The following TMEM108 variants were observed in gnomAD, a reference collection of about 807,000 sequenced individuals.
TMEM108 encodes transmembrane protein 108, also known as cancer/testis antigen 124.
In TMEM108, 12 loss-of-function variants were observed where a neutral mutation model predicts 35.1. The observed-to-expected ratio is 0.34, with a 90% CI of 0.22 to 0.55. The LOEUF is 0.55. Ranked by LOEUF, TMEM108 falls within the 20% of genes least tolerant of loss-of-function variation. The probability of loss-of-function intolerance (pLI) is 0.89; values close to 1 mark genes in which losing one functional copy is unlikely to be tolerated. For synonymous variants in TMEM108, 287 were observed against 308.6 expected, an observed-to-expected ratio of 0.93 and a Z score of 0.73; for missense variants, 680 against 753.3, an observed-to-expected ratio of 0.90 and a Z score of 1.14.
intron 1 of TMEM108, among the ~76,000 whole-genome samples, chr3:133,044,656 C>T (rs1180082009): frequency 1.3e-5 from 2 of 152,180 alleles, no homozygotes; most frequent in African/African-American, 4.8e-5. Flanking sequence ...GATGCACATG[C>T]ACCTTAAAGT....
intron 3 of TMEM108, among the ~76,000 whole-genome samples, chr3:133,273,750 C>A (rs945991011): frequency 1.7e-4 from 26 of 152,164 alleles, no homozygotes; most frequent in African/African-American, 5.8e-4. Context: ...CCATTTGCAA[C>A]AAGTCATGGC....
intron 2 of TMEM108, among the ~76,000 whole-genome samples, chr3:133,171,485 T>C (rs1559855624): frequency 6.6e-6 from 1 of 152,178 alleles, no homozygotes; most frequent in African/African-American, 2.4e-5. Flanking sequence ...CAAGTGATTC[T>C]CCTGCCTCAG....
chr3:133,251,352 A>G (rs1946466982), intron 3 of TMEM108, among the ~76,000 whole-genome samples: 1 of 152,210 alleles, frequency 6.6e-6, no homozygotes, highest in South Asian at 2.1e-4. Flanking sequence ...TTACTATAAA[A>G]GACACTGCAG....
intron 2 of TMEM108, among the ~76,000 whole-genome samples, chr3:133,047,272 C>G (rs1943351529): frequency 6.6e-6 from 1 of 152,148 alleles, no homozygotes; most frequent in South Asian, 2.1e-4. Context: ...TAACTTTGCT[C>G]AATTTCCTCT....
At chr3:133,382,650 G>C (rs886720306) in intron 4 of TMEM108, among the ~76,000 whole-genome samples, 1 of 152,222 alleles carries the variant, frequency 6.6e-6, no homozygotes, top group Non-Finnish European at 1.5e-5. Flanking sequence ...ACATAGGCTT[G>C]CCCTGATCTC....
chr3:133,140,334 A>G (rs1179216574), intron 2 of TMEM108, among the ~76,000 whole-genome samples: 1 of 152,178 alleles, frequency 6.6e-6, no homozygotes, highest in Non-Finnish European at 1.5e-5. Flanking sequence ...TGCAGGTGCA[A>G]TTTACCATGA....
chr3:133,092,454 ATAT>A (rs1375843803), intron 2 of TMEM108, among the ~76,000 whole-genome samples: 4 of 152,166 alleles, frequency 2.6e-5, no homozygotes, highest in Non-Finnish European at 4.4e-5. Flanking sequence ...GCATGTTAAA[ATAT>A]TATAATAACT....
chr3:133,118,783 C>T (rs1944317211), intron 2 of TMEM108, among the ~76,000 whole-genome samples: 1 of 152,190 alleles, frequency 6.6e-6, no homozygotes, highest in East Asian at 1.9e-4. Context: ...ATAAGTGAAT[C>T]AGATGCCAGG....
chr3:133,222,396 C>A (rs987611731), intron 2 of TMEM108, among the ~76,000 whole-genome samples: 3 of 152,008 alleles, frequency 2.0e-5, no homozygotes, highest in African/African-American at 7.2e-5. Flanking sequence ...TTATTGGAAG[C>A]CTTTGACCTT....
intron 3 of TMEM108, among the ~76,000 whole-genome samples, chr3:133,367,891 A>G (rs1207198074): frequency 6.6e-6 from 1 of 152,216 alleles, no homozygotes; most frequent in Non-Finnish European, 1.5e-5. Flanking sequence ...AGATGTCAGC[A>G]TGCCTGGGAG....
At chr3:133,041,732 T>C (rs796384683) in intron 1 of TMEM108, 4 of 152,234 alleles carry the variant, frequency 2.6e-5, no homozygotes, top group Non-Finnish European at 5.9e-5. Flanking sequence ...AACATAATAA[T>C]CATGATTTGA....
Position 133,245,551 on chromosome 3 carries a change from A to C in TMEM108, c.40+16200A>C, listed in dbSNP as rs78842484. 2.9e-3 allele frequency among the ~76,000 whole-genome samples: 442 copies of C among 152,336 alleles called. 4 individuals are homozygous for C. Among genetic ancestry groups the C allele is most frequent in the South Asian group, 0.014 (67 of 4,824 alleles). ...TAAGTTCTGCACAGCACTTGAAATT[A>C]TACAATTTTTTTTGTTGTTCTTTGT... On this transcript the variant is annotated intron_variant, in intron 3 of 5. Coordinates refer to ENST00000321871, the MANE Select transcript of TMEM108 (RefSeq NM_023943.4).
At chr3:133,372,188 A>T (rs1311814685) in intron 3 of TMEM108, among the ~76,000 whole-genome samples, 1 of 152,170 alleles carries the variant, frequency 6.6e-6, no homozygotes, top group Non-Finnish European at 1.5e-5. Context: ...AGCTGTTACT[A>T]TTATTATCTT....
chr3:133,225,886 A>C (rs1048427310), intron 2 of TMEM108, among the ~76,000 whole-genome samples: 2 of 152,230 alleles, frequency 1.3e-5, no homozygotes, highest in Non-Finnish European at 2.9e-5. Context: ...ATATTTGAAG[A>C]GATTTCTTCT....
chr3:133,360,836 A>C (rs1049251231), intron 3 of TMEM108, among the ~76,000 whole-genome samples: 1 of 152,246 alleles, frequency 6.6e-6, no homozygotes, highest in Non-Finnish European at 1.5e-5. Context: ...TCCAGTTTAC[A>C]AACCAACTGG....
At chr3:133,319,097 G>A (rs905704933) in intron 3 of TMEM108, among the ~76,000 whole-genome samples, 3 of 152,028 alleles carry the variant, frequency 2.0e-5, no homozygotes, top group African/African-American at 7.2e-5. Flanking sequence ...CACTTCCCTG[G>A]TGACAGAGGC....
intron 2 of TMEM108, among the ~76,000 whole-genome samples, chr3:133,130,077 T>A (rs2107743402): frequency 8.3e-6 from 1 of 121,188 alleles, no homozygotes; most frequent in Non-Finnish European, 1.8e-5. Context: ...GGTGTGTGAA[T>A]CTTAAGTCAA....
intron 4 of TMEM108, chr3:133,386,332 A>T: frequency 6.8e-7 from 1 of 1,463,306 alleles, no homozygotes; most frequent in Admixed American, 2.0e-5. Flanking sequence ...TGCCTGCTCA[A>T]ACAGGCCCGG....
chr3:133,391,131 G>C (rs535641642), intron 5 of TMEM108, among the ~76,000 whole-genome samples: 2 of 152,212 alleles, frequency 1.3e-5, no homozygotes, highest in African/African-American at 2.4e-5. Flanking sequence ...GAGAGTCACT[G>C]AAAGTTTTGA....
Sources: gnomAD v4.1 joint callset for allele counts (sites outside exome capture counted in the v4.1 genomes callset) on GRCh38, gnomAD v4.1.1 for gene constraint, MANE v1.5 for transcripts, NCBI Gene and HGNC (gene_info 2026-07-23, HGNC 2026-07-21) for gene names.